ICE1: variants seen among roughly 807,000 people sequenced by gnomAD.
The protein encoded by ICE1 is interactor of little elongation complex ELL subunit 1.
In ICE1, 64 loss-of-function variants were observed where a neutral mutation model predicts 192.7. The observed-to-expected ratio is 0.33, with a 90% CI of 0.27 to 0.41. The LOEUF (loss-of-function observed/expected upper bound fraction) is 0.41. ICE1 is among the 10% of genes least tolerant of loss of function. ICE1 has a pLI of 1.00. For synonymous variants in ICE1, 1,010 were observed against 984.5 expected (o/e 1.03, Z -0.49); for missense variants, 2,708 against 2,696.0 (o/e 1.00, Z -0.10).
chr5:5,426,386 A>G (rs1302312617), intron 1 of ICE1, among the ~76,000 whole-genome samples: 2 of 150,378 alleles, frequency 1.3e-5, no homozygotes, highest in African/African-American at 4.9e-5. Context: ...CCGAGGTTGC[A>G]GTGAGCCGAG....
At chr5:5,455,151 T>C (rs1331115176) in intron 11 of ICE1, among the ~76,000 whole-genome samples, 1 of 152,254 alleles carries the variant, frequency 6.6e-6, no homozygotes, top group Non-Finnish European at 1.5e-5. Context: ...TTTGTCATTT[T>C]ACTAATTTCT....
chr5:5,427,024 C>T (rs1579533538), intron 1 of ICE1, among the ~76,000 whole-genome samples: 1 of 152,180 alleles, frequency 6.6e-6, no homozygotes, highest in Non-Finnish European at 1.5e-5. Flanking sequence ...GCTAACTTGC[C>T]TCTCTGTCTT....
rs749439588 is a variant in ICE1, at chr5:5,468,954, T to C, written c.6188T>C (p.Leu2063Pro). ...VARQRAKGEV[L>P]NCLRAFLNWE... is the part of the protein sequence containing the mutation. ...AGGCAACGTGCTAAAGGAGAGGTTC[T>C]GAACTGCTTGAGAGCTTTTCTTAAT... The change falls in exon 15 of 19, where the codon CTG (leucine) becomes CCG (proline). Residue 2063 changes from leucine (L) to proline (P), a missense_variant. Physicochemically the swap from Leu to Pro is moderately conservative, Grantham distance 98. This residue lies in a region of ICE1 where 342 missense variants were observed against 419.3 expected (regional missense o/e 0.82). Coordinates refer to ENST00000296564, the MANE Select transcript of ICE1 (RefSeq NM_015325.3). The C allele has an allele frequency of 6.4e-7, 1 of 1,566,660 alleles. No individual in the cohort carries two copies. Among genetic ancestry groups the C allele is most frequent in the South Asian group, 1.2e-5 (1 of 80,080 alleles).
In ICE1 at chr5:5,457,740, C is replaced by T. The variant is rs377684317; in HGVS notation, c.1100C>T (p.Pro367Leu). ...GGTTCCTTACCGTCTTCATTTGCACCTGTGAGTTTTGCTCTCTGAATTTGA... is the reference window on the plus strand; with the variant it reads ...GGTTCCTTACCGTCTTCATTTGCACTTGTGAGTTTTGCTCTCTGAATTTGA... ...HPGSLPSSFAPETYFGEYTDS... is the reference protein window; with the variant it reads ...HPGSLPSSFALETYFGEYTDS... Residue 367 changes from proline to leucine, a missense_variant and splice_region_variant, in exon 12 of 19, where the codon CCT (proline) becomes CTT (leucine). By Grantham distance (98) the Pro-to-Leu change is moderately conservative. Transcript: ENST00000296564. 5.0e-5 allele frequency: 80 copies of T among 1,608,166 alleles called. No homozygotes were observed. The highest frequency in any genetic ancestry group is 6.5e-5 in the Non-Finnish European group (77 of 1,175,900).
chr5:5,464,939 A>G lies in ICE1; in HGVS notation c.5605A>G (p.Lys1869Glu), dbSNP rs1225276511. The change falls in exon 13 of 19, where the codon AAA becomes GAA. Residue 1869 changes from lysine to glutamate, a missense_variant. This residue lies in a region of ICE1 where 2,366 missense variants were observed against 2,276.6 expected (regional missense o/e 1.04). Coordinates refer to ENST00000296564, the MANE Select transcript of ICE1 (RefSeq NM_015325.3). The surrounding 1 kb of genome is among the most constrained non-coding windows in gnomAD (Gnocchi z 4.0). Reference protein sequence around the residue: ...TRGVTAEGIHKNLPGNLPPAE... With the variant: ...TRGVTAEGIHENLPGNLPPAE... Reference sequence around the variant, plus strand: ...GGGAGTCACTGCAGAAGGAATCCACAAAAACCTCCCAGGGAACCTCCCTCC... The same window carrying G: ...GGGAGTCACTGCAGAAGGAATCCACGAAAACCTCCCAGGGAACCTCCCTCC... The G allele has an allele frequency of 6.2e-7, 1 of 1,613,646 alleles. No individual in the cohort carries two copies. The highest frequency in any genetic ancestry group is 1.7e-5 in the Admixed American group (1 of 59,974).
intron 1 of ICE1, among the ~76,000 whole-genome samples, chr5:5,430,026 A>G (rs1737652205): frequency 6.6e-6 from 1 of 152,220 alleles, no homozygotes; most frequent in Non-Finnish European, 1.5e-5. Context: ...GAACTTTCCA[A>G]TAGACTATAT....
At chr5:5,471,878 C>A (rs1739165051) in intron 15 of ICE1, among the ~76,000 whole-genome samples, 1 of 152,090 alleles carries the variant, frequency 6.6e-6, no homozygotes, top group Non-Finnish European at 1.5e-5. Context: ...CCAACTTTTT[C>A]TGGTGGAGGT....
intron 12 of ICE1, among the ~76,000 whole-genome samples, chr5:5,458,812 T>C (rs1247374336): frequency 1.3e-5 from 2 of 152,156 alleles, no homozygotes; most frequent in African/African-American, 4.8e-5. Flanking sequence ...AGTGGGGGGA[T>C]AGTCAGAAAA....
rs1390129090 is a variant in ICE1 at position 5,447,748 on chromosome 5, A to G, written c.535A>G (p.Lys179Glu). The G allele has an allele frequency of 6.3e-7, 1 of 1,585,352 alleles. No homozygotes were observed. The highest frequency in any genetic ancestry group is 2.3e-5 in the East Asian group (1 of 44,054). Residue 179 changes from lysine to glutamate, a missense_variant, in exon 9 of 19, where the codon AAA becomes GAA. Physicochemically the swap from Lys to Glu is moderately conservative, Grantham distance 56. Around this residue, in one of 2 missense-constraint regions of ICE1, gnomAD observed 2,366 missense variants for 2,276.6 expected, o/e 1.04. Coordinates refer to ENST00000296564, the MANE Select transcript of ICE1 (RefSeq NM_015325.3). ...QERLDEFSKQKNEKELRHIGT... is the reference protein window; with the variant it reads ...QERLDEFSKQENEKELRHIGT... ...AAGGCTTGACGAATTTTCTAAACAG[A>G]AAAATGAAAAGGGTGAGTATTCAGT...
At chr5:5,423,199 C>A (rs186891536) in intron 1 of ICE1, among the ~76,000 whole-genome samples, 200 bp downstream of exon 1, 1 of 152,090 alleles carries the variant, frequency 6.6e-6, no homozygotes, top group African/African-American at 2.4e-5. Context: ...TTTATTTAAG[C>A]TTGAAACCCA....
intron 1 of ICE1, 110 bp from the exon 2 acceptor site, chr5:5,436,308 C>A: frequency 1.5e-6 from 1 of 689,536 alleles, no homozygotes; most frequent in South Asian, 2.4e-5. Flanking sequence ...ATTAACATTT[C>A]TATGTTTATA....
chr5:5,483,174 T>A (rs1278736935), intron 17 of ICE1, among the ~76,000 whole-genome samples: 1 of 152,036 alleles, frequency 6.6e-6, no homozygotes, highest in African/African-American at 2.4e-5. Context: ...GTTGTTTTTT[T>A]TAGTAGAGAC....
At chr5:5,445,952 CAG>C (rs1193980684) in intron 7 of ICE1, among the ~76,000 whole-genome samples, 13 of 151,342 alleles carry the variant, frequency 8.6e-5, no homozygotes, top group African/African-American at 2.9e-4. Context: ...CTCCTAACCT[CAG>C]GTGATCCGCC....
chr5:5,456,029 G>A (rs763946834), intron 11 of ICE1, among the ~76,000 whole-genome samples: 9 of 151,984 alleles, frequency 5.9e-5, no homozygotes, highest in Non-Finnish European at 1.2e-4. Context: ...TTTGTAGAAA[G>A]CCCATTGTTT....
At chr5:5,476,860 T>C (rs1040369023) in intron 17 of ICE1, among the ~76,000 whole-genome samples, 1 of 152,174 alleles carries the variant, frequency 6.6e-6, no homozygotes, top group South Asian at 2.1e-4. Context: ...TGCCCAATTT[T>C]TTCATACTTG....
chr5:5,463,831 T>C lies in ICE1; in HGVS notation c.4497T>C (p.Ser1499=), dbSNP rs186166828. 64 of 1,613,956 alleles carry C rather than the reference T, an allele frequency of 4.0e-5. 2 individuals are homozygous for C. In the African/African-American group the frequency reaches 6.0e-4, roughly 15 times the overall value. ...GTCCCCAAGAGGATGTTTCAAGCAG[T>C]GGTCAGAGCACCAACTTTGATAAGA... ...LSCPQEDVSS[S]GQSTNFDKSR... is the part of the protein sequence containing the mutation. The change falls in exon 13 of 19, where the codon AGT becomes AGC. Residue 1499 remains serine (S), a synonymous_variant. Coordinates refer to ENST00000296564, the MANE Select transcript of ICE1 (RefSeq NM_015325.3).
chr5:5,489,944 G>A lies in ICE1; in HGVS notation c.*614G>A, dbSNP rs528408317. 7 of 152,290 alleles carry A rather than the reference G, an allele frequency of 4.6e-5. No homozygotes were observed. The highest frequency in any genetic ancestry group is 1.7e-4 in the African/African-American group (7 of 41,544). The allele number at this position is 152,290 out of a possible 1,614,324, so 9.4% of individuals were successfully genotyped here. A position where few individuals can be genotyped will look rare whatever the true frequency, so the allele number is the denominator to read the frequency against. On this transcript the variant is annotated 3_prime_UTR_variant, in exon 19 of 19. Transcript: ENST00000296564. The stretch of plus-strand genomic sequence containing the variant: ...ATATGTGACAATGCATCAGGAAGAG[G>A]AGAACTGAAGAGTAGAAGTTCCCTT...
intron 16 of ICE1, among the ~76,000 whole-genome samples, chr5:5,474,579 A>T (rs143435117): frequency 1.2e-3 from 176 of 152,322 alleles, no homozygotes; most frequent in African/African-American, 4.0e-3. Context: ...TAGTAAATTA[A>T]CTTTTCTCTG....
At chr5:5,433,543 G>GA (rs980555367) in intron 1 of ICE1, among the ~76,000 whole-genome samples, 4 of 151,620 alleles carry the variant, frequency 2.6e-5, no homozygotes, top group East Asian at 1.9e-4. Flanking sequence ...TTTGCCTTTT[G>GA]AAAAAAAAGT....
Sources: gnomAD v4.1 joint callset for allele counts (sites outside exome capture counted in the v4.1 genomes callset) on GRCh38, gnomAD v4.1.1 for gene constraint, gnomAD v4.1.1 regional missense constraint, Gnocchi (gnomAD v3.1) non-coding constraint, MANE v1.5 for transcripts, NCBI Gene and HGNC (gene_info 2026-07-23, HGNC 2026-07-21) for gene names.